Variants in KCND3 observed in about 807,000 individuals in gnomAD.
KCND3 encodes the protein potassium voltage-gated channel subfamily D member 3, also known as A-type voltage-gated potassium channel KCND3.
In KCND3, 9 loss-of-function variants were observed where a neutral mutation model predicts 51.1. The observed-to-expected ratio is 0.18, with a 90% CI of 0.11 to 0.31. The LOEUF is 0.31. Among genes scored for constraint, KCND3 ranks in the 10% least tolerant of loss-of-function variants. The pLI is 1.00. For synonymous variants in KCND3, 349 were observed against 368.0 expected, an observed-to-expected ratio of 0.95 and a Z score of 0.59; for missense variants, 526 against 903.8, an observed-to-expected ratio of 0.58 and a Z score of 5.36.
chr1:111,844,938 G>A (rs559094458), intron 2 of KCND3, among the ~76,000 whole-genome samples: 4 of 152,200 alleles, frequency 2.6e-5, no homozygotes, highest in African/African-American at 9.6e-5. Flanking sequence ...CAAGCTCAAC[G>A]CTTGTGCTCC....
chr1:111,937,106 G>T (rs116960262), intron 2 of KCND3, among the ~76,000 whole-genome samples: 1 of 152,286 alleles, frequency 6.6e-6, no homozygotes, highest in East Asian at 1.9e-4. Flanking sequence ...TGGGGAGAGG[G>T]AGTTGTCTGG....
At chr1:111,901,266 T>G (rs1670369869) in intron 2 of KCND3, among the ~76,000 whole-genome samples, 1 of 152,208 alleles carries the variant, frequency 6.6e-6, no homozygotes, top group African/African-American at 2.4e-5. Flanking sequence ...TCCATTTAAT[T>G]TAACAAGTTT....
chr1:111,811,636 C>T (rs6537715), intron 2 of KCND3, among the ~76,000 whole-genome samples: 5,416 of 152,240 alleles, frequency 0.036, 150 homozygotes, highest in Non-Finnish European at 0.045. Flanking sequence ...CTCTTCGGAT[C>T]GTCCACCCCT....
At chr1:111,882,427 A>G (rs1285186107) in intron 2 of KCND3, among the ~76,000 whole-genome samples, 1 of 152,232 alleles carries the variant, frequency 6.6e-6, no homozygotes, top group Non-Finnish European at 1.5e-5. Flanking sequence ...TCCCTGCCCC[A>G]AGCCCAGAAC....
intron 2 of KCND3, among the ~76,000 whole-genome samples, chr1:111,841,724 C>T (rs1667328518): frequency 6.6e-6 from 1 of 152,264 alleles, no homozygotes; most frequent in Admixed American, 6.5e-5. Context: ...CAGGCCATAT[C>T]AGTTCCCTGG....
intron 2 of KCND3, among the ~76,000 whole-genome samples, chr1:111,904,025 C>T (rs1003446299): frequency 1.8e-4 from 27 of 152,008 alleles, no homozygotes; most frequent in Non-Finnish European, 8.8e-5. Flanking sequence ...GGCAAATAAA[C>T]AATTTGTTGG....
rs138725767 is a variant in KCND3 at position 111,774,717 on chromosome 1, C to A, written c.*1360G>T. ...AAGCATTTTTCTTGAGGCACACAGG[C>A]TTACCCTTCCACAGCCTCTGTGTGG... is the stretch of plus-strand genomic sequence containing the variant. On this transcript the variant is annotated 3_prime_UTR_variant, in exon 8 of 8. Coordinates refer to ENST00000302127, the MANE Select transcript of KCND3 (RefSeq NM_001378969.1). 1 of 152,180 alleles carries A rather than the reference C, an allele frequency of 6.6e-6. No homozygotes were observed. The highest frequency in any genetic ancestry group is 1.5e-5 in the Non-Finnish European group (1 of 68,046). The allele number at this position is 152,180 out of a possible 1,614,324, so 9.4% of individuals were successfully genotyped here. A position where few individuals can be genotyped will look rare whatever the true frequency, so the allele number is the denominator to read the frequency against.
intron 2 of KCND3, among the ~76,000 whole-genome samples, chr1:111,851,130 T>G (rs1380592396): frequency 6.6e-6 from 1 of 152,172 alleles, no homozygotes; most frequent in Admixed American, 6.5e-5. Flanking sequence ...TAACCATTCC[T>G]AGGAAGTCTT....
chr1:111,978,648 T>C (rs935808493), intron 2 of KCND3, among the ~76,000 whole-genome samples: 18 of 152,296 alleles, frequency 1.2e-4, no homozygotes, highest in African/African-American at 4.3e-4. Context: ...GAATAGATCA[T>C]ACACCAAGTA....
intron 2 of KCND3, among the ~76,000 whole-genome samples, chr1:111,795,037 A>C (rs1664996486): frequency 6.6e-6 from 1 of 152,226 alleles, no homozygotes; most frequent in African/African-American, 2.4e-5. Context: ...AGAGCAAGGG[A>C]GGAGAACACT....
rs923682288 is a variant in KCND3 at position 111,982,664 on chromosome 1, C to T, written c.63G>A (p.Pro21=). The T allele has an allele frequency of 5.0e-6, 8 of 1,612,378 alleles. No individual in the cohort carries two copies. The highest frequency in any genetic ancestry group is 4.4e-5 in the South Asian group (4 of 91,046). ...CCAGGGGCATGGGGCAGTTGGCCAC[C>T]GGCATCCACCCGATGGCCGCAGCCC... ...FARAAAIGWM[P]VANCPMPLAP... is the part of the protein sequence containing the mutation. The change falls in exon 2 of 8, where the codon CCG becomes CCA. Residue 21 remains proline, a synonymous_variant. Transcript: ENST00000302127. This position sits in a 1 kb window ranked among gnomAD's most constrained non-coding sequence, Gnocchi z 8.5.
At chr1:111,872,706 T>G (rs1668880840) in intron 2 of KCND3, among the ~76,000 whole-genome samples, 1 of 152,066 alleles carries the variant, frequency 6.6e-6, no homozygotes, top group African/African-American at 2.4e-5. Context: ...GAACAACACA[T>G]TTATAGAGGT....
At chr1:111,856,967 T>G (rs936553419) in intron 2 of KCND3, 1 of 152,234 alleles carries the variant, frequency 6.6e-6, no homozygotes, top group African/African-American at 2.4e-5. Flanking sequence ...CGAGGACGTC[T>G]CATGTTTATT....
chr1:111,826,370 A>G (rs1199958690), intron 2 of KCND3, among the ~76,000 whole-genome samples: 1 of 152,150 alleles, frequency 6.6e-6, no homozygotes, highest in East Asian at 1.9e-4. Flanking sequence ...TTTCATTTTT[A>G]GAGTCTCTCA....
chr1:111,964,461 TGGGG>T (rs1673853579), intron 2 of KCND3, among the ~76,000 whole-genome samples: 1 of 151,594 alleles, frequency 6.6e-6, no homozygotes, highest in African/African-American at 2.4e-5. Context: ...GCTGGTGGGG[TGGGG>T]TGGGGGCAGC....
At chr1:111,945,413 G>A (rs768285666) in intron 2 of KCND3, among the ~76,000 whole-genome samples, 5 of 152,160 alleles carry the variant, frequency 3.3e-5, no homozygotes, top group Admixed American at 1.3e-4. Context: ...TCCCACTAAC[G>A]GAGCACTGCC....
intron 2 of KCND3, chr1:111,856,929 C>T (rs1668101239): frequency 6.6e-6 from 1 of 152,260 alleles, no homozygotes; most frequent in Non-Finnish European, 1.5e-5. Flanking sequence ...ACCTTGTTAA[C>T]TGGAGCACAA....
intron 2 of KCND3, among the ~76,000 whole-genome samples, chr1:111,857,760 C>T (rs1184382467): frequency 6.6e-6 from 1 of 151,792 alleles, no homozygotes; most frequent in Admixed American, 6.6e-5. Context: ...CCTCTGATCC[C>T]CCTATCTAAA....
chr1:111,877,332 T>G (rs371077084), intron 2 of KCND3, among the ~76,000 whole-genome samples: 103 of 152,248 alleles, frequency 6.8e-4, no homozygotes, highest in Admixed American at 3.2e-3. Context: ...CCAAAAATGC[T>G]TGAAGCTCCA....
Sources: gnomAD v4.1 joint callset for allele counts (sites outside exome capture counted in the v4.1 genomes callset) on GRCh38, gnomAD v4.1.1 for gene constraint, Gnocchi (gnomAD v3.1) non-coding constraint, MANE v1.5 for transcripts, NCBI Gene and HGNC (gene_info 2026-07-23, HGNC 2026-07-21) for gene names.